The following CRBN variants were observed in gnomAD, a reference collection of about 807,000 sequenced individuals.
CRBN encodes cereblon, also known as protein cereblon.
A neutral mutation model predicts 62.2 loss-of-function variants in CRBN; 53 were observed. The ratio of observed to expected loss-of-function variants is 0.85; its 90% CI spans 0.68 to 1.07. The LOEUF is 1.07. CRBN is among the 50% of genes least tolerant of loss of function. The probability of loss-of-function intolerance (pLI) is 0.00; values close to 1 mark genes in which losing one functional copy is unlikely to be tolerated. For missense variants in CRBN, 616 were observed against 531.1 expected, an observed-to-expected ratio of 1.16 and a Z score of -1.57; for synonymous variants, 208 against 176.1, an observed-to-expected ratio of 1.18 and a Z score of -1.43.
Position 3,154,046 on chromosome 3 carries a change from G to A in CRBN, c.865C>T (p.Pro289Ser). 6.2e-7 allele frequency: 1 copy of A among 1,613,196 alleles called. No homozygotes were observed. The highest frequency in any genetic ancestry group is 8.5e-7 in the Non-Finnish European group (1 of 1,179,188). The change falls in exon 8 of 11, where the codon CCT (proline) becomes TCT (serine). Residue 289 changes from proline (P) to serine (S), a missense_variant. Physicochemically the swap from Pro to Ser is moderately conservative, Grantham distance 74. Coordinates refer to ENST00000231948, the MANE Select transcript of CRBN (RefSeq NM_016302.4). ...DFSYRVAACL[P>S]IDDVLRIQLL... ...TGAATTCTCAATACATCATCAATAGGAAGACAAGCAGCTACTCTGTAAGAA... is the reference window on the plus strand; with the variant it reads ...TGAATTCTCAATACATCATCAATAGAAAGACAAGCAGCTACTCTGTAAGAA...
chr3:3,156,511 G>T, intron 5 of CRBN: 1 of 540,044 alleles, frequency 1.9e-6, no homozygotes, highest in East Asian at 3.3e-5. Flanking sequence ...ATTTAAAAAG[G>T]TCAAACATTA....
rs1707239774 is a variant in CRBN, at chr3:3,164,144, C to T, written c.687+3490G>A. On this transcript the variant is annotated intron_variant, in intron 5 of 10. Transcript: ENST00000231948. ...GCTTCCCTATTTCTTTGAGACACAACAATATTGAAACTAGGCTAATTAATA... is the reference window on the plus strand; with the variant it reads ...GCTTCCCTATTTCTTTGAGACACAATAATATTGAAACTAGGCTAATTAATA... 2.0e-5 allele frequency among the ~76,000 whole-genome samples: 3 copies of T among 152,176 alleles called. No homozygotes were observed. In the South Asian group the frequency reaches 6.2e-4, roughly 32 times the overall value.
At chr3:3,174,989 G>C (rs910519439) in intron 2 of CRBN, among the ~76,000 whole-genome samples, 174 bp downstream of exon 2, 11 of 151,870 alleles carry the variant, frequency 7.2e-5, no homozygotes, top group African/African-American at 2.7e-4. Context: ...CCACAACATA[G>C]TATTAAGCTT....
chr3:3,169,266 T>C (rs1487180508), intron 4 of CRBN, among the ~76,000 whole-genome samples: 1 of 152,174 alleles, frequency 6.6e-6, no homozygotes, highest in South Asian at 2.1e-4. Context: ...CAGTGGCTGG[T>C]TCTTCTCCCA....
At chr3:3,151,505 T>C (rs201564920) in intron 10 of CRBN, among the ~76,000 whole-genome samples, 1 of 84,174 alleles carries the variant, frequency 1.2e-5, no homozygotes. Flanking sequence ...AATATTTATA[T>C]TCTAAAATAA....
chr3:3,178,894 T>C (rs1486124307), intron 1 of CRBN, among the ~76,000 whole-genome samples: 1 of 152,318 alleles, frequency 6.6e-6, no homozygotes, highest in East Asian at 1.9e-4. Context: ...TGCATTTTTT[T>C]TTTTGTTCAG....
intron 3 of CRBN, among the ~76,000 whole-genome samples, 155 bp from the exon 4 acceptor site, chr3:3,173,080 T>G (rs944964335): frequency 6.6e-6 from 1 of 152,124 alleles, no homozygotes; most frequent in Non-Finnish European, 1.5e-5. Flanking sequence ...TTGTTTGAGA[T>G]GGAGTCTCGC....
At chr3:3,159,147 T>G (rs774563602) in intron 5 of CRBN, among the ~76,000 whole-genome samples, 1 of 152,198 alleles carries the variant, frequency 6.6e-6, no homozygotes, top group African/African-American at 2.4e-5. Context: ...TCTTTATAAA[T>G]TACCCAGTCT....
In CRBN at chr3:3,150,015, G is replaced by A. The variant is rs1706390768; in HGVS notation, c.*850C>T. On this transcript the variant is annotated 3_prime_UTR_variant, in exon 11 of 11. Coordinates refer to ENST00000231948, the MANE Select transcript of CRBN (RefSeq NM_016302.4). ...ATTATTTGAACAAAGAACATGTTTA[G>A]TTTCACACTTAAGGTTTACTTACTT... The A allele has an allele frequency of 6.6e-6, 1 of 152,060 alleles. No homozygotes were observed. Among genetic ancestry groups the A allele is most frequent in the South Asian group, 2.1e-4 (1 of 4,828 alleles). The allele number at this position is 152,060 out of a possible 1,614,324, so 9.4% of individuals were successfully genotyped here. A position where few individuals can be genotyped will look rare whatever the true frequency, so the allele number is the denominator to read the frequency against.
At chr3:3,172,060 GTC>G (rs1339919136) in intron 4 of CRBN, 1 of 152,176 alleles carries the variant, frequency 6.6e-6, no homozygotes, top group African/African-American at 2.4e-5. Flanking sequence ...ACTTTTTTGT[GTC>G]TGTTTTAATG....
intron 10 of CRBN, among the ~76,000 whole-genome samples, chr3:3,152,034 G>C (rs1706594520): frequency 6.6e-6 from 1 of 152,110 alleles, no homozygotes; most frequent in South Asian, 2.1e-4. Flanking sequence ...ACTGGATACA[G>C]TAATCTGAGG....
chr3:3,162,329 G>A (rs1205361585), intron 5 of CRBN, among the ~76,000 whole-genome samples: 2 of 151,750 alleles, frequency 1.3e-5, no homozygotes, highest in Non-Finnish European at 2.9e-5. Flanking sequence ...TTTTTTTGAG[G>A]AGGATTTTTA....
At chr3:3,153,651 A>AAGTC in intron 8 of CRBN, 163 bp from the exon 9 acceptor site, 1 of 640,964 alleles carries the variant, frequency 1.6e-6, no homozygotes, top group South Asian at 1.9e-5. Context: ...TGGAGCACGA[A>AAGTC]AGTCACTGAA....
chr3:3,160,408 C>T (rs1455752436), intron 5 of CRBN, among the ~76,000 whole-genome samples: 1 of 151,912 alleles, frequency 6.6e-6, no homozygotes, highest in Non-Finnish European at 1.5e-5. Flanking sequence ...TTTTTGTTTC[C>T]TTCTTTCATG....
At chr3:3,163,939 A>G (rs889905871) in intron 5 of CRBN, among the ~76,000 whole-genome samples, 10 of 152,204 alleles carry the variant, frequency 6.6e-5, no homozygotes, top group Admixed American at 6.5e-4. Context: ...TAATTCTCAC[A>G]ATATTTCACA....
chr3:3,160,410 T>C (rs1174435022), intron 5 of CRBN, among the ~76,000 whole-genome samples: 1 of 152,190 alleles, frequency 6.6e-6, no homozygotes, highest in Non-Finnish European at 1.5e-5. Flanking sequence ...TTTGTTTCCT[T>C]CTTTCATGAA....
rs1318240459 is a variant in CRBN at position 3,175,162 on chromosome 3, C to A, written c.174+1G>T. ...ATTAGATCTGTCACTAAATTACATACTGTATGTGATGTCGGCAGACTGGTG... is the reference window on the plus strand; with the variant it reads ...ATTAGATCTGTCACTAAATTACATAATGTATGTGATGTCGGCAGACTGGTG... On this transcript the variant is annotated splice_donor_variant, in intron 2 of 10. Transcript: ENST00000231948. LOFTEE classifies it high-confidence loss of function. 6.3e-7 allele frequency: 1 copy of A among 1,581,014 alleles called. No homozygotes were observed. The highest frequency in any genetic ancestry group is 8.7e-7 in the Non-Finnish European group (1 of 1,150,114).
intron 1 of CRBN, among the ~76,000 whole-genome samples, chr3:3,177,847 T>TA (rs1019319702): frequency 1.2e-4 from 18 of 152,282 alleles, no homozygotes; most frequent in Middle Eastern, 3.4e-3. Flanking sequence ...TGTTGGAACT[T>TA]AGAGGATTTA....
Position 3,154,570 on chromosome 3 carries a change from A to C in CRBN, c.835+177T>G, listed in dbSNP as rs1706796926. The C allele has an allele frequency of 6.9e-5, 37 of 539,680 alleles. 1 individual carries two copies. The East Asian group carries it at 1.1e-3, about 16-fold the overall frequency. The allele number at this position is 539,680 out of a possible 1,614,324, so 33.4% of individuals were successfully genotyped here. A position where few individuals can be genotyped will look rare whatever the true frequency, so the allele number is the denominator to read the frequency against. On this transcript the variant is annotated intron_variant, in intron 7 of 10. Coordinates refer to ENST00000231948, the MANE Select transcript of CRBN (RefSeq NM_016302.4). ...TCACAGAATATGAGGATTTTATTGC[A>C]ATTAATTTTAAAATACTCATTTTTT...
Sources: gnomAD v4.1 joint callset for allele counts (sites outside exome capture counted in the v4.1 genomes callset) on GRCh38, gnomAD v4.1.1 for gene constraint, MANE v1.5 for transcripts, NCBI Gene and HGNC (gene_info 2026-07-23, HGNC 2026-07-21) for gene names.